SUMF1: variants seen among roughly 807,000 people sequenced by gnomAD.
SUMF1 encodes the protein formylglycine-generating enzyme.
Under a neutral mutation model 47.6 loss-of-function variants are expected in SUMF1, and 48 were observed. That is an observed-to-expected ratio of 1.01 (90% CI 0.80 to 1.28). The LOEUF (loss-of-function observed/expected upper bound fraction) is 1.28, where lower values mean the gene tolerates loss of function less well. Ranked by LOEUF, SUMF1 falls within the 50% of genes most tolerant of loss-of-function variation. SUMF1 has a pLI of 0.00. For missense variants in SUMF1, 571 were observed against 485.4 expected (o/e 1.18, Z -1.66); for synonymous variants, 230 against 192.1 (o/e 1.20, Z -1.63).
intron 8 of SUMF1, among the ~76,000 whole-genome samples, chr3:4,103,833 C>A (rs1693094661): frequency 4.6e-5 from 7 of 152,090 alleles, no homozygotes; most frequent in Admixed American, 4.6e-4. Context: ...CTGGAAACAG[C>A]TGATAGAAGA....
chr3:4,283,625 G>C (rs1010311983), intron 8 of SUMF1, among the ~76,000 whole-genome samples: 3 of 152,130 alleles, frequency 2.0e-5, no homozygotes, highest in Non-Finnish European at 4.4e-5. Context: ...GTATATATAG[G>C]CTTTAATAAA....
intron 4 of SUMF1, among the ~76,000 whole-genome samples, chr3:4,419,207 C>T (rs1575199275): frequency 6.6e-6 from 1 of 152,306 alleles, no homozygotes; most frequent in South Asian, 2.1e-4. Flanking sequence ...GCTAAGAAGC[C>T]AAGTCCACCT....
chr3:4,282,364 G>A (rs1373369271), intron 8 of SUMF1, among the ~76,000 whole-genome samples: 1 of 152,082 alleles, frequency 6.6e-6, no homozygotes, highest in African/African-American at 2.4e-5. Context: ...CCTTTTAAAG[G>A]GAAGAAATAT....
chr3:4,295,276 C>G (rs1166044123), intron 8 of SUMF1, among the ~76,000 whole-genome samples: 2 of 151,988 alleles, frequency 1.3e-5, no homozygotes, highest in African/African-American at 4.8e-5. Flanking sequence ...TTAATATAGT[C>G]TCTAAGAAGG....
Position 4,382,336 on chromosome 3 carries a change from GCA to G in SUMF1, c.955-5949_955-5948del, listed in dbSNP as rs1553566047. Among the ~76,000 whole-genome samples, 618 of 149,070 alleles carry G rather than the reference GCA, an allele frequency of 4.1e-3. 4 individuals carry two copies. The highest frequency in any genetic ancestry group is 0.022 in the Admixed American group (333 of 14,990). ...CTTATACATACACACACACATACAT[GCA>G]CACACACACACACACACATCCTACC... On this transcript the variant is annotated intron_variant, in intron 7 of 8. Coordinates refer to ENST00000272902, the MANE Select transcript of SUMF1 (RefSeq NM_182760.4).
chr3:4,393,082 T>G (rs1700928378), intron 7 of SUMF1, among the ~76,000 whole-genome samples: 1 of 152,184 alleles, frequency 6.6e-6, no homozygotes, highest in South Asian at 2.1e-4. Flanking sequence ...CTAGAAAAGC[T>G]TATTTCACAC....
chr3:4,108,123 G>C (rs1310502851), intron 8 of SUMF1, among the ~76,000 whole-genome samples: 3 of 152,102 alleles, frequency 2.0e-5, no homozygotes, highest in African/African-American at 7.3e-5. Flanking sequence ...CTGGTATGTT[G>C]TGTTTTTGTT....
chr3:4,338,695 T>C (rs1354480519), intron 8 of SUMF1, among the ~76,000 whole-genome samples: 3 of 152,136 alleles, frequency 2.0e-5, no homozygotes, highest in Non-Finnish European at 2.9e-5. Context: ...ACAGAGTCTA[T>C]GTACTAGGTC....
intron 8 of SUMF1, among the ~76,000 whole-genome samples, chr3:4,355,404 C>G (rs375960480): frequency 5.9e-5 from 9 of 152,274 alleles, no homozygotes; most frequent in South Asian, 4.1e-4. Context: ...AAAACGACAT[C>G]CTTCCCATGT....
chr3:4,462,801 A>G (rs2079847988), intron 1 of SUMF1, among the ~76,000 whole-genome samples: 1 of 152,224 alleles, frequency 6.6e-6, no homozygotes, highest in African/African-American at 2.4e-5. Flanking sequence ...CTATCTATAC[A>G]GGGCTTATTT....
At chr3:4,462,453 G>A (rs1487124352) in intron 1 of SUMF1, among the ~76,000 whole-genome samples, 1 of 152,196 alleles carries the variant, frequency 6.6e-6, no homozygotes, top group Non-Finnish European at 1.5e-5. Context: ...GTATCCAGGT[G>A]TGTCTGGGGC....
At chr3:4,149,084 C>T (rs1256322391) in intron 8 of SUMF1, among the ~76,000 whole-genome samples, 3 of 152,142 alleles carry the variant, frequency 2.0e-5, no homozygotes, top group Non-Finnish European at 4.4e-5. Context: ...GCTGGATTCT[C>T]TGGAGTTCCT....
At chr3:4,097,797 A>G (rs1692939615) in intron 8 of SUMF1, among the ~76,000 whole-genome samples, 1 of 152,096 alleles carries the variant, frequency 6.6e-6, no homozygotes, top group Non-Finnish European at 1.5e-5. Context: ...TTTCAAGAGT[A>G]CCACCCTTTC....
In SUMF1 at chr3:4,130,203, C is replaced by T. The variant is rs1014428890; in HGVS notation, c.1015-61458G>A. On this transcript the variant is annotated intron_variant and NMD_transcript_variant, in intron 8 of 12. Coordinates refer to the SUMF1 transcript ENST00000448413. ...GACAGTGGATTATCATAAGCTTAAC[C>T]AACTGGCGACTCTGATTGCAGCTGC... Among the ~76,000 whole-genome samples, 3 of 152,250 alleles carry T rather than the reference C, an allele frequency of 2.0e-5. No individual in the cohort carries two copies. In the East Asian group the frequency reaches 5.8e-4, roughly 29 times the overall value.
Position 4,420,044 on chromosome 3 carries a change from G to A in SUMF1, c.602+20C>T, listed in dbSNP as rs1701840262. 1 of 1,611,380 alleles carries A rather than the reference G, an allele frequency of 6.2e-7. No individual in the cohort carries two copies. Among genetic ancestry groups the A allele is most frequent in the East Asian group, 2.2e-5 (1 of 44,852 alleles). On this transcript the variant is annotated intron_variant, in intron 4 of 8. Transcript: ENST00000272902. ...TTTGCAATGGAACTTGTCAACTGGG[G>A]AAAGAGGGACCAGCCTCACCTGTGC...
chr3:4,159,457 T>G (rs925377372), intron 8 of SUMF1, among the ~76,000 whole-genome samples: 1 of 151,802 alleles, frequency 6.6e-6, no homozygotes, highest in African/African-American at 2.4e-5. Flanking sequence ...AACTTCATTT[T>G]GCCCAGTTTT....
rs75659459 is a variant in SUMF1, at chr3:4,189,230, G to C, written c.1015-120485C>G. On this transcript the variant is annotated intron_variant and NMD_transcript_variant, in intron 8 of 12. Coordinates refer to the SUMF1 transcript ENST00000448413. ...GAACAGGAAAGCCTATTTGCGGGGA[G>C]GGGTCCAAAATTGGGAGAGGACCCT... 7.4e-3 allele frequency among the ~76,000 whole-genome samples: 1,129 copies of C among 152,136 alleles called. 14 individuals are homozygous for C. Among genetic ancestry groups the C allele is most frequent in the African/African-American group, 0.026 (1,083 of 41,512 alleles).
rs573380728 is a variant in SUMF1 at position 4,422,854 on chromosome 3, G to A, written c.520-2708C>T. On this transcript the variant is annotated intron_variant, in intron 3 of 8. Transcript: ENST00000272902. The stretch of plus-strand genomic sequence containing the variant: ...AGGAACAGGTGGTATTTGGTTACAT[G>A]TGTAAGTGCTTTGGTGGTGATTTGT... Among the ~76,000 whole-genome samples the A allele has an allele frequency of 1.3e-4, 20 of 151,846 alleles. No homozygotes were observed. In the South Asian group the frequency reaches 4.0e-3, roughly 30 times the overall value.
At chr3:4,269,909 AG>A (rs1697270634) in intron 8 of SUMF1, among the ~76,000 whole-genome samples, 1 of 152,210 alleles carries the variant, frequency 6.6e-6, no homozygotes, top group South Asian at 2.1e-4. Context: ...GTGTAAGGAC[AG>A]TCTACAAGAG....
Sources: gnomAD v4.1 joint callset for allele counts (sites outside exome capture counted in the v4.1 genomes callset) on GRCh38, gnomAD v4.1.1 for gene constraint, MANE v1.5 for transcripts, NCBI Gene and HGNC (gene_info 2026-07-23, HGNC 2026-07-21) for gene names.